Variants in NEGR1 observed in about 807,000 individuals in gnomAD.
The protein encoded by NEGR1 is IgLON family member 4.
In NEGR1, 10 loss-of-function variants were observed where a neutral mutation model predicts 40.9. The observed-to-expected ratio is 0.24, with a 90% CI of 0.15 to 0.42. The LOEUF (loss-of-function observed/expected upper bound fraction) is 0.42. Among genes scored for constraint, NEGR1 ranks in the 10% least tolerant of loss-of-function variants. The pLI is 1.00. For synonymous variants in NEGR1, 185 were observed against 166.8 expected (o/e 1.11, Z -0.84); for missense variants, 352 against 438.9 (o/e 0.80, Z 1.77).
At chr1:71,607,181 C>A (rs1650098598) in intron 5 of NEGR1, among the ~76,000 whole-genome samples, 1 of 152,302 alleles carries the variant, frequency 6.6e-6, no homozygotes, top group Non-Finnish European at 1.5e-5. Context: ...AGTTAAAGAC[C>A]TCAGAGGTCA....
chr1:71,999,532 T>G (rs1315603661), intron 1 of NEGR1, among the ~76,000 whole-genome samples: 1 of 149,954 alleles, frequency 6.7e-6, no homozygotes, highest in Non-Finnish European at 1.5e-5. Context: ...GCATCTATTT[T>G]CACTTAGGTT....
intron 1 of NEGR1, among the ~76,000 whole-genome samples, chr1:72,043,331 T>C (rs116808521): frequency 2.3e-3 from 352 of 152,050 alleles, no homozygotes; most frequent in African/African-American, 8.1e-3. Context: ...CTGTTTGAAA[T>C]AACCAGCATT....
intron 6 of NEGR1, among the ~76,000 whole-genome samples, chr1:71,440,473 T>C (rs1037047172): frequency 2.0e-5 from 3 of 152,252 alleles, no homozygotes; most frequent in Non-Finnish European, 4.4e-5. Flanking sequence ...CTGTGATATA[T>C]AAACAAAATG....
At chr1:71,585,678 A>G (rs976542108) in intron 6 of NEGR1, among the ~76,000 whole-genome samples, 4 of 147,398 alleles carry the variant, frequency 2.7e-5, no homozygotes, top group African/African-American at 1.0e-4. Flanking sequence ...ATCTTGTACA[A>G]CCTCTCCATC....
intron 1 of NEGR1, among the ~76,000 whole-genome samples, chr1:72,183,864 C>A (rs893012648): frequency 6.6e-6 from 1 of 151,872 alleles, no homozygotes; most frequent in African/African-American, 2.4e-5. Context: ...GATTGGCCTT[C>A]AAGTATGAGT....
chr1:72,009,385 C>T (rs746255161), intron 1 of NEGR1, among the ~76,000 whole-genome samples: 11 of 152,042 alleles, frequency 7.2e-5, no homozygotes, highest in Non-Finnish European at 1.0e-4. Context: ...TGGAAACTTA[C>T]GCAATATTCT....
intron 5 of NEGR1, among the ~76,000 whole-genome samples, chr1:71,602,238 C>CTT (rs386367303): frequency 0.021 from 1,344 of 64,564 alleles, 254 homozygotes; most frequent in Non-Finnish European, 0.027. Context: ...CATGATTATT[C>CTT]TTTTTTTTTT....
intron 4 of NEGR1, among the ~76,000 whole-genome samples, chr1:71,654,816 A>G (rs931481079): frequency 5.3e-5 from 8 of 152,218 alleles, no homozygotes; most frequent in Admixed American, 3.9e-4. Context: ...TTTTCAATGA[A>G]TACATAAATT....
chr1:72,161,639 T>G (rs184196065), intron 1 of NEGR1, among the ~76,000 whole-genome samples: 48 of 151,508 alleles, frequency 3.2e-4, no homozygotes, highest in African/African-American at 1.1e-3. Flanking sequence ...GTTTTTCTGT[T>G]GTTATTATTA....
In NEGR1 at chr1:71,406,691, C is replaced by T. The variant is rs1646279805; in HGVS notation, c.*755G>A. The T allele has an allele frequency of 6.6e-6, 1 of 152,514 alleles. No individual in the cohort carries two copies. Among genetic ancestry groups the T allele is most frequent in the African/African-American group, 2.4e-5 (1 of 41,462 alleles). 9.4% of individuals were successfully genotyped at this position (152,514 alleles called of 1,614,324 possible). On this transcript the variant is annotated 3_prime_UTR_variant, in exon 7 of 7. Coordinates refer to ENST00000357731, the MANE Select transcript of NEGR1 (RefSeq NM_173808.3). ...TTGTCAGTGCAGGAAGAGATTTTTA[C>T]AGTCCAATAGCTCCTTCGTTACTTA...
intron 6 of NEGR1, among the ~76,000 whole-genome samples, chr1:71,511,770 G>T (rs1485107405): frequency 1.3e-5 from 2 of 152,082 alleles, no homozygotes; most frequent in Non-Finnish European, 1.5e-5. Flanking sequence ...GCACTGAAAA[G>T]ATTAGTTAAA....
At position 71,924,491 on chromosome 1, in the gene NEGR1, T is replaced by A. The variant is rs146431391; in HGVS notation, c.409+10588A>T. Among the ~76,000 whole-genome samples the A allele has an allele frequency of 7.7e-3, 1,167 of 152,316 alleles. 23 individuals are homozygous for A. Among genetic ancestry groups the A allele is most frequent in the African/African-American group, 0.027 (1,119 of 41,574 alleles). ...CACTAATAAATAGCTGCAAAATCTG[T>A]CCTTCCTCAAGTCTTCAATATTTCA... On this transcript the variant is annotated intron_variant, in intron 2 of 6. Transcript: ENST00000357731.
At chr1:71,898,980 G>C in intron 2 of NEGR1, among the ~76,000 whole-genome samples, 1 of 10,874 alleles carries the variant, frequency 9.2e-5, no homozygotes, top group African/African-American at 4.7e-4. Context: ...TATATATATA[G>C]CATATATATA....
chr1:71,906,952 T>A (rs1418103298), intron 2 of NEGR1, among the ~76,000 whole-genome samples: 1 of 152,086 alleles, frequency 6.6e-6, no homozygotes, highest in Non-Finnish European at 1.5e-5. Context: ...CCTGCAGGAT[T>A]TTCTTGCTTT....
chr1:72,081,602 C>G (rs1056312282), intron 1 of NEGR1, among the ~76,000 whole-genome samples: 1 of 152,028 alleles, frequency 6.6e-6, no homozygotes, highest in African/African-American at 2.4e-5. Context: ...TTCTGCACAT[C>G]ATTGTATCCT....
intron 4 of NEGR1, among the ~76,000 whole-genome samples, chr1:71,656,923 T>C (rs1006377160): frequency 2.6e-5 from 4 of 152,210 alleles, no homozygotes; most frequent in African/African-American, 9.6e-5. Flanking sequence ...ATTTAACACA[T>C]GGGTTGGGTG....
chr1:72,272,878 A>G (rs1655891736), intron 1 of NEGR1, among the ~76,000 whole-genome samples: 1 of 152,038 alleles, frequency 6.6e-6, no homozygotes, highest in African/African-American at 2.4e-5. Flanking sequence ...TGGAAAGTAC[A>G]ATATATTGGC....
At chr1:72,229,500 T>C (rs1158072545) in intron 1 of NEGR1, among the ~76,000 whole-genome samples, 2 of 149,548 alleles carry the variant, frequency 1.3e-5, no homozygotes, top group Middle Eastern at 3.6e-3. Context: ...TATTTATACA[T>C]TATGTTTTAA....
chr1:72,228,018 G>A (rs1189978705), intron 1 of NEGR1, among the ~76,000 whole-genome samples: 2 of 152,078 alleles, frequency 1.3e-5, no homozygotes, highest in Non-Finnish European at 2.9e-5. Flanking sequence ...GTATTAATGA[G>A]TTAATATATG....
Sources: allele counts gnomAD v4.1 joint callset (sites outside exome capture counted in the v4.1 genomes callset), GRCh38; gene constraint gnomAD v4.1.1; transcripts MANE v1.5; gene names NCBI Gene and HGNC (gene_info 2026-07-23, HGNC 2026-07-21).